RPS6KC1: variants seen among roughly 807,000 people sequenced by gnomAD.
The protein encoded by RPS6KC1 is ribosomal protein S6 kinase C1.
In RPS6KC1, 54 loss-of-function variants were observed where a neutral mutation model predicts 103.8. That is an observed-to-expected ratio of 0.52 (90% CI 0.42 to 0.65). The LOEUF is 0.65. RPS6KC1 is among the 30% of genes least tolerant of loss of function. The pLI, the probability that RPS6KC1 is intolerant of heterozygous loss-of-function variation, is 0.00. For synonymous variants in RPS6KC1, 439 were observed against 438.7 expected, an observed-to-expected ratio of 1.00 and a Z score of -0.01; for missense variants, 1,151 against 1,253.8, an observed-to-expected ratio of 0.92 and a Z score of 1.24.
At chr1:213,432,939 T>C in the RPS6KC1 span, among the ~76,000 whole-genome samples, 1 of 152,256 alleles carries the variant, frequency 6.6e-6, no homozygotes, top group Non-Finnish European at 1.5e-5. Flanking sequence ...ATAAAGCTGC[T>C]ATGAACATGT....
the RPS6KC1 span, among the ~76,000 whole-genome samples, chr1:213,613,062 C>G: frequency 1.3e-5 from 2 of 152,176 alleles, no homozygotes; most frequent in East Asian, 3.9e-4. Flanking sequence ...GTAACTGACT[C>G]TCTCCCAACT....
chr1:213,157,025 C>G (rs1470898769), intron 6 of RPS6KC1, among the ~76,000 whole-genome samples: 1 of 151,714 alleles, frequency 6.6e-6, no homozygotes, highest in African/African-American at 2.4e-5. Flanking sequence ...ATCTTGTTTT[C>G]AATGTTGGTG....
the RPS6KC1 span, among the ~76,000 whole-genome samples, chr1:213,460,546 G>A: frequency 3.4e-4 from 52 of 150,978 alleles, no homozygotes; most frequent in Non-Finnish European, 5.9e-4. Flanking sequence ...TATCCAATTT[G>A]CCAGTCTATG....
At chr1:213,226,849 AC>A (rs1243422975) in intron 8 of RPS6KC1, among the ~76,000 whole-genome samples, 1 of 152,064 alleles carries the variant, frequency 6.6e-6, no homozygotes, top group African/African-American at 2.4e-5. Context: ...TTCTCATTAC[AC>A]TTTTGGTTAT....
the RPS6KC1 span, among the ~76,000 whole-genome samples, chr1:213,530,251 C>G: frequency 1.7e-4 from 26 of 152,150 alleles, 1 homozygote; most frequent in African/African-American, 6.3e-4. Context: ...AGGAAGCAGA[C>G]AGGATTTTGC....
the RPS6KC1 span, among the ~76,000 whole-genome samples, chr1:213,622,280 G>C: frequency 6.8e-6 from 1 of 148,070 alleles, no homozygotes; most frequent in Non-Finnish European, 1.5e-5. Flanking sequence ...GCACCCTTGA[G>C]ATCACACTGT....
At chr1:213,848,465 A>G in the RPS6KC1 span, among the ~76,000 whole-genome samples, 1 of 152,178 alleles carries the variant, frequency 6.6e-6, no homozygotes, top group Non-Finnish European at 1.5e-5. Context: ...GTTAATGTGT[A>G]TATCAGTAAT....
the RPS6KC1 span, among the ~76,000 whole-genome samples, chr1:213,588,366 T>TA: frequency 1.3e-5 from 2 of 150,654 alleles, no homozygotes; most frequent in African/African-American, 2.4e-5. Flanking sequence ...CAATCTCAGC[T>TA]CACTGCACTC....
chr1:213,540,321 T>G, the RPS6KC1 span, among the ~76,000 whole-genome samples: 14 of 152,178 alleles, frequency 9.2e-5, no homozygotes, highest in Non-Finnish European at 1.6e-4. Context: ...TCTCACTATG[T>G]TGTCCAGACT....
the RPS6KC1 span, among the ~76,000 whole-genome samples, chr1:213,519,787 A>G: frequency 6.6e-6 from 1 of 152,260 alleles, no homozygotes; most frequent in Non-Finnish European, 1.5e-5. Context: ...ACTGCACTTC[A>G]TGCTAGTGAG....
the RPS6KC1 span, among the ~76,000 whole-genome samples, chr1:213,634,795 TAA>T: frequency 1.4e-5 from 2 of 141,528 alleles, no homozygotes; most frequent in African/African-American, 2.6e-5. Context: ...TCCATAAAGT[TAA>T]AAAAAAAAAC....
At chr1:213,703,122 T>C in the RPS6KC1 span, among the ~76,000 whole-genome samples, 1 of 152,172 alleles carries the variant, frequency 6.6e-6, no homozygotes, top group Non-Finnish European at 1.5e-5. Flanking sequence ...GGTTTGAGGT[T>C]ACTGTGAGGC....
chr1:213,411,747 G>A, the RPS6KC1 span, among the ~76,000 whole-genome samples: 3 of 152,172 alleles, frequency 2.0e-5, no homozygotes, highest in Non-Finnish European at 2.9e-5. Context: ...GGGGCGCTGG[G>A]TAATTAAAAA....
At chr1:213,476,992 C>T in the RPS6KC1 span, among the ~76,000 whole-genome samples, 1 of 152,118 alleles carries the variant, frequency 6.6e-6, no homozygotes, top group African/African-American at 2.4e-5. Context: ...AGCAAATTTC[C>T]AAAGAGGGAC....
the RPS6KC1 span, among the ~76,000 whole-genome samples, chr1:213,416,890 C>T: frequency 6.6e-6 from 1 of 152,208 alleles, no homozygotes; most frequent in African/African-American, 2.4e-5. Context: ...TCCTCACTCA[C>T]CTCCCCTGGC....
chr1:213,203,698 G>C (rs2148600658), intron 8 of RPS6KC1, among the ~76,000 whole-genome samples: 1 of 152,084 alleles, frequency 6.6e-6, no homozygotes, highest in South Asian at 2.1e-4. Flanking sequence ...GCTAAAAAAA[G>C]GTATAATTCA....
At chr1:213,661,422 T>C in the RPS6KC1 span, among the ~76,000 whole-genome samples, 1 of 152,180 alleles carries the variant, frequency 6.6e-6, no homozygotes, top group Non-Finnish European at 1.5e-5. Context: ...GCAGCCCTTT[T>C]CAGAGTGTGA....
chr1:213,702,947 G>C, the RPS6KC1 span, among the ~76,000 whole-genome samples: 1 of 151,732 alleles, frequency 6.6e-6, no homozygotes, highest in African/African-American at 2.4e-5. Flanking sequence ...TTTTTGATAA[G>C]TAAGGACTTA....
At chr1:213,325,954 G>C in the RPS6KC1 span, among the ~76,000 whole-genome samples, 1 of 152,158 alleles carries the variant, frequency 6.6e-6, no homozygotes, top group Non-Finnish European at 1.5e-5. Flanking sequence ...TCTTGTTAAG[G>C]CTGGAGCCAT....
Sources: allele counts gnomAD v4.1 joint callset (sites outside exome capture counted in the v4.1 genomes callset), GRCh38; gene constraint gnomAD v4.1.1; transcripts MANE v1.5; gene names NCBI Gene and HGNC (gene_info 2026-07-23, HGNC 2026-07-21).